The following PARD3B variants were observed in gnomAD, a reference collection of about 807,000 sequenced individuals.
PARD3B encodes par-3 family cell polarity regulator beta.
Under a neutral mutation model 130.2 loss-of-function variants are expected in PARD3B, and 103 were observed. That is an observed-to-expected ratio of 0.79 (90% CI 0.67 to 0.93). PARD3B has a LOEUF of 0.93. Ranked by LOEUF, PARD3B falls within the 40% of genes least tolerant of loss-of-function variation. The probability of loss-of-function intolerance (pLI) is 0.00; values close to 1 mark genes in which losing one functional copy is unlikely to be tolerated. For synonymous variants in PARD3B, 583 were observed against 553.2 expected (o/e 1.05, Z -0.76); for missense variants, 1,609 against 1,499.2 (o/e 1.07, Z -1.21).
chr2:205,105,974 T>A lies in PARD3B; in HGVS notation c.593+1460T>A, dbSNP rs1269171085. Reference sequence around the variant, plus strand: ...TTTCACTTATTTCAGTGTTAGCTTTTTGAAAAGTTTGTTAATATCTTGTCC... The same window carrying A: ...TTTCACTTATTTCAGTGTTAGCTTTATGAAAAGTTTGTTAATATCTTGTCC... On this transcript the variant is annotated intron_variant, in intron 5 of 22. Coordinates refer to ENST00000406610, the MANE Select transcript of PARD3B (RefSeq NM_001302769.2). This position sits in a 1 kb window ranked among gnomAD's most constrained non-coding sequence, Gnocchi z 4.0. Among the ~76,000 whole-genome samples, 3 of 151,978 alleles carry A rather than the reference T, an allele frequency of 2.0e-5. No individual in the cohort carries two copies. The highest frequency in any genetic ancestry group is 4.4e-5 in the Non-Finnish European group (3 of 67,968).
intron 4 of PARD3B, among the ~76,000 whole-genome samples, chr2:205,087,497 C>T (rs1007059897): frequency 6.6e-6 from 1 of 151,174 alleles, no homozygotes; most frequent in Non-Finnish European, 1.5e-5. Flanking sequence ...TACATTTTCT[C>T]TTTTTTTTTC....
At chr2:204,963,357 T>C (rs1489235840) in intron 2 of PARD3B, among the ~76,000 whole-genome samples, 3 of 152,186 alleles carry the variant, frequency 2.0e-5, no homozygotes, top group African/African-American at 7.2e-5. Flanking sequence ...GTTGATGTTC[T>C]ATTTTTTCTC....
rs116279635 is a variant in PARD3B, at chr2:205,351,295, C to A, written c.2630+49594C>A. Among the ~76,000 whole-genome samples the A allele has an allele frequency of 6.6e-6, 1 of 152,102 alleles. No individual in the cohort carries two copies. The highest frequency in any genetic ancestry group is 1.5e-5 in the Non-Finnish European group (1 of 68,024). On this transcript the variant is annotated intron_variant, in intron 18 of 22. Coordinates refer to ENST00000406610, the MANE Select transcript of PARD3B (RefSeq NM_001302769.2). The surrounding 1 kb of genome is among the most constrained non-coding windows in gnomAD (Gnocchi z 4.2). ...ACCGGTGTTTTTGATAAGACCACTC[C>A]TTTGTGGAGTTGTATCAGGGAATAG...
At chr2:205,188,049 G>A (rs1424817761) in intron 14 of PARD3B, among the ~76,000 whole-genome samples, 1 of 152,194 alleles carries the variant, frequency 6.6e-6, no homozygotes. Context: ...AAGAAATGCA[G>A]CGTCCTCTTA....
rs35536964 is a variant in PARD3B, at chr2:204,563,217, G to GTCTCTCTCTCTCTCTC, written c.120+17132_120+17147dup. On this transcript the variant is annotated intron_variant, in intron 1 of 22. Transcript: ENST00000406610. ...CGTTTTTACATGCCGTCTTCCCGCT[G>GTCTCTCTCTCTCTCTC]TCTCTCTCTCTCTCTCTCTCTCTCT... 2.2e-3 allele frequency among the ~76,000 whole-genome samples: 188 copies of GTCTCTCTCTCTCTCTC among 86,616 alleles called. 11 individuals carry two copies. The highest frequency in any genetic ancestry group is 2.5e-3 in the African/African-American group (57 of 22,448). The allele number at this position is 86,616 out of a possible 152,430, so 56.8% of individuals were successfully genotyped here. A position where few individuals can be genotyped will look rare whatever the true frequency, so the allele number is the denominator to read the frequency against.
intron 2 of PARD3B, among the ~76,000 whole-genome samples, chr2:204,904,018 C>T (rs1487896075): frequency 6.6e-6 from 1 of 152,194 alleles, no homozygotes; most frequent in Admixed American, 6.5e-5. Flanking sequence ...ATCTATACCA[C>T]ACATAAGAGT....
intron 3 of PARD3B, among the ~76,000 whole-genome samples, chr2:204,983,371 G>A (rs1198904872): frequency 6.7e-6 from 1 of 148,250 alleles, no homozygotes; most frequent in East Asian, 2.1e-4. Flanking sequence ...AATAAACAAT[G>A]CATCCAAAAA....
intron 4 of PARD3B, 83 bp from the exon 5 acceptor site, chr2:205,104,343 A>G: frequency 1.0e-6 from 1 of 998,302 alleles, no homozygotes; most frequent in East Asian, 2.4e-5. Flanking sequence ...AAAGCGGTTT[A>G]CTCTCCCATA....
At chr2:205,035,366 T>C (rs1697744052) in intron 3 of PARD3B, among the ~76,000 whole-genome samples, 1 of 152,176 alleles carries the variant, frequency 6.6e-6, no homozygotes, top group Non-Finnish European at 1.5e-5. Context: ...CGTGGGAATT[T>C]TAATTCTGTG....
intron 2 of PARD3B, among the ~76,000 whole-genome samples, chr2:204,735,868 C>A (rs1486593041): frequency 6.6e-6 from 1 of 152,084 alleles, no homozygotes; most frequent in African/African-American, 2.4e-5. Context: ...CATAAGGCAA[C>A]AATAACAGAA....
At chr2:205,415,737 T>C (rs1003827364) in intron 19 of PARD3B, among the ~76,000 whole-genome samples, 1 of 152,188 alleles carries the variant, frequency 6.6e-6, no homozygotes, top group African/African-American at 2.4e-5. Context: ...AAGAAATTTT[T>C]TTTTAATTGT....
At chr2:204,860,295 GTGTT>G (rs565222289) in intron 2 of PARD3B, among the ~76,000 whole-genome samples, 42 of 152,270 alleles carry the variant, frequency 2.8e-4, no homozygotes, top group Non-Finnish European at 5.0e-4. Context: ...CTAGAGGAGA[GTGTT>G]TGTGACGATT....
At chr2:205,449,332 T>A (rs1188411011) in intron 20 of PARD3B, among the ~76,000 whole-genome samples, 1 of 151,292 alleles carries the variant, frequency 6.6e-6, no homozygotes, top group East Asian at 2.0e-4. Context: ...CAGGTTCAAG[T>A]GATTCTCCTG....
intron 7 of PARD3B, among the ~76,000 whole-genome samples, 185 bp downstream of exon 7, chr2:205,119,231 C>T (rs2030331327): frequency 6.6e-6 from 1 of 152,172 alleles, no homozygotes; most frequent in Admixed American, 6.5e-5. Flanking sequence ...ACACATGTCT[C>T]TGGCAGGTCT....
intron 1 of PARD3B, among the ~76,000 whole-genome samples, chr2:204,672,259 T>A (rs1167524265): frequency 6.6e-6 from 1 of 152,226 alleles, no homozygotes; most frequent in Non-Finnish European, 1.5e-5. Context: ...GTTTTTGGAG[T>A]TTGGCTTGCC....
Position 205,421,667 on chromosome 2 carries a change from A to G in PARD3B, c.2742-18703A>G, listed in dbSNP as rs555031814. ...TCTTCTATTGCTGCTGTAACAAATT[A>G]CCACATACTTGGTATCATAAAACAA... is the stretch of plus-strand genomic sequence containing the variant. On this transcript the variant is annotated intron_variant, in intron 19 of 22. Transcript: ENST00000406610. The surrounding 1 kb of genome is among the most constrained non-coding windows in gnomAD (Gnocchi z 5.1). Among the ~76,000 whole-genome samples the G allele has an allele frequency of 3.3e-5, 5 of 152,322 alleles. No homozygotes were observed. In the East Asian group the frequency reaches 7.7e-4, roughly 24 times the overall value.
At chr2:204,899,934 C>T (rs1293600624) in intron 2 of PARD3B, among the ~76,000 whole-genome samples, 1 of 151,664 alleles carries the variant, frequency 6.6e-6, no homozygotes, top group African/African-American at 2.4e-5. Context: ...ACATGTCTTG[C>T]CACTCTCTCC....
chr2:205,025,204 A>G lies in PARD3B; in HGVS notation c.395-22377A>G, dbSNP rs115831051. On this transcript the variant is annotated intron_variant, in intron 3 of 22. Coordinates refer to ENST00000406610, the MANE Select transcript of PARD3B (RefSeq NM_001302769.2). ...TCAGTCTGCGGCACTTAGATAGCAA[A>G]GGCAAACTGCTCACGGCTATTAGTC... 2.9e-3 allele frequency among the ~76,000 whole-genome samples: 436 copies of G among 152,258 alleles called. 3 individuals carry two copies. Among genetic ancestry groups the G allele is most frequent in the African/African-American group, 9.6e-3 (398 of 41,548 alleles).
chr2:204,608,836 A>G (rs2033824378), intron 1 of PARD3B, among the ~76,000 whole-genome samples: 1 of 152,166 alleles, frequency 6.6e-6, no homozygotes, highest in African/African-American at 2.4e-5. Context: ...CTCAGAGCAA[A>G]AGAAGAATGG....
Sources: gnomAD v4.1 joint callset for allele counts (sites outside exome capture counted in the v4.1 genomes callset) on GRCh38, gnomAD v4.1.1 for gene constraint, Gnocchi (gnomAD v3.1) non-coding constraint, MANE v1.5 for transcripts, NCBI Gene and HGNC (gene_info 2026-07-23, HGNC 2026-07-21) for gene names.